The following ACO1 variants were observed in gnomAD, a reference collection of about 807,000 sequenced individuals.
ACO1 encodes aconitase 1.
ACO1 carries 78 observed loss-of-function variants against 105.1 expected under a neutral mutation model. That is an observed-to-expected ratio of 0.74 (90% CI 0.62 to 0.90). The LOEUF is 0.90. Among genes scored for constraint, ACO1 ranks in the 40% least tolerant of loss-of-function variants. The pLI, the probability that ACO1 is intolerant of heterozygous loss-of-function variation, is 0.00. For missense variants in ACO1, 965 were observed against 1,111.1 expected, an observed-to-expected ratio of 0.87 and a Z score of 1.87; for synonymous variants, 364 against 397.4, an observed-to-expected ratio of 0.92 and a Z score of 1.00.
intron 19 of ACO1, among the ~76,000 whole-genome samples, chr9:32,448,272 C>G (rs1822666893): frequency 6.6e-6 from 1 of 150,926 alleles, no homozygotes; most frequent in African/African-American, 2.5e-5. Context: ...AGGCAGTAGG[C>G]CTTGCTGAGC....
At chr9:32,418,616 G>A in intron 6 of ACO1, 105 bp downstream of exon 6, 1 of 1,323,110 alleles carries the variant, frequency 7.6e-7, no homozygotes, top group Non-Finnish European at 1.0e-6. Flanking sequence ...GTTTCCGAGA[G>A]GTATGTTTGT....
At chr9:32,393,279 A>G (rs1222651165) in intron 1 of ACO1, among the ~76,000 whole-genome samples, 1 of 152,160 alleles carries the variant, frequency 6.6e-6, no homozygotes, top group East Asian at 1.9e-4. Flanking sequence ...CCCTGAGGGT[A>G]GGCCTCTAAA....
chr9:32,389,930 T>C (rs1821232053), intron 1 of ACO1, among the ~76,000 whole-genome samples: 2 of 151,878 alleles, frequency 1.3e-5, no homozygotes, highest in African/African-American at 4.8e-5. Context: ...TCAGAATAGC[T>C]GGAATTACAG....
chr9:32,392,225 G>T (rs1456140320), intron 1 of ACO1, among the ~76,000 whole-genome samples: 1 of 152,166 alleles, frequency 6.6e-6, no homozygotes, highest in East Asian at 1.9e-4. Context: ...CCTGTTGGGA[G>T]GAGCATGGTG....
chr9:32,423,175 T>G (rs2118480432), intron 8 of ACO1, 144 bp from the exon 9 acceptor site: 1 of 521,826 alleles, frequency 1.9e-6, no homozygotes, highest in South Asian at 2.8e-5. Context: ...CCTGGAAGCC[T>G]AAAAATTGAC....
At chr9:32,433,368 G>A (rs766960165) in intron 15 of ACO1, among the ~76,000 whole-genome samples, 18 of 152,170 alleles carry the variant, frequency 1.2e-4, no homozygotes, top group Admixed American at 3.9e-4. Context: ...CGAGTAGCTC[G>A]GACTACAGGC....
chr9:32,394,303 C>G (rs1310286857), intron 1 of ACO1, among the ~76,000 whole-genome samples: 1 of 152,170 alleles, frequency 6.6e-6, no homozygotes, highest in Non-Finnish European at 1.5e-5. Context: ...CCTGGTGGTT[C>G]TTTATCAGCC....
At chr9:32,412,901 G>A (rs1231339651) in intron 4 of ACO1, among the ~76,000 whole-genome samples, 2 of 152,086 alleles carry the variant, frequency 1.3e-5, no homozygotes, top group African/African-American at 2.4e-5. Context: ...TGCCTAGAAG[G>A]TGAAAGTACA....
intron 12 of ACO1, among the ~76,000 whole-genome samples, chr9:32,428,335 G>T (rs1341023000): frequency 6.6e-6 from 1 of 151,374 alleles, no homozygotes; most frequent in Non-Finnish European, 1.5e-5. Context: ...GCCTACACCG[G>T]GTCAGGATTG....
intron 1 of ACO1, among the ~76,000 whole-genome samples, chr9:32,388,999 G>C (rs1821210151): frequency 6.6e-6 from 1 of 152,140 alleles, no homozygotes; most frequent in Admixed American, 6.5e-5. Context: ...AAATAAGAGA[G>C]AGACTCTCAA....
intron 12 of ACO1, 87 bp from the exon 13 acceptor site, chr9:32,429,332 A>G (rs1267469426): frequency 1.6e-6 from 2 of 1,228,374 alleles, no homozygotes; most frequent in African/African-American, 1.5e-5. Context: ...CTTTTTGAAC[A>G]GTGGTCTCTG....
At chr9:32,430,275 C>T in intron 13 of ACO1, 143 bp from the exon 14 acceptor site, 1 of 744,232 alleles carries the variant, frequency 1.3e-6, no homozygotes, top group Non-Finnish European at 2.1e-6. Flanking sequence ...GTGTACCCTT[C>T]TCCCCTCTAG....
intron 4 of ACO1, among the ~76,000 whole-genome samples, chr9:32,417,550 C>T (rs1447573199): frequency 6.6e-6 from 1 of 152,128 alleles, no homozygotes; most frequent in Non-Finnish European, 1.5e-5. Context: ...GACTGAATGA[C>T]GTTGAGTAAA....
chr9:32,411,691 A>G (rs1423293353), intron 4 of ACO1, among the ~76,000 whole-genome samples: 4 of 152,190 alleles, frequency 2.6e-5, no homozygotes, highest in Non-Finnish European at 5.9e-5. Context: ...TCATTTTCTT[A>G]TCAATATAGT....
chr9:32,420,361 C>G (rs1821945905), intron 7 of ACO1, among the ~76,000 whole-genome samples: 1 of 152,202 alleles, frequency 6.6e-6, no homozygotes, highest in Admixed American at 6.5e-5. Context: ...TTCCAATGAT[C>G]TCATTAGAGA....
Position 32,450,061 on chromosome 9 carries a change from T to A in ACO1, c.2620T>A (p.Phe874Ile). ...RFDTDVELTY[F>I]LNGGILNYMI... ...TGACACTGATGTGGAGCTCACTTAT[T>A]TCCTCAACGGGGGCATCCTCAACTA... The change falls in exon 21 of 21, where the codon TTC becomes ATC. Residue 874 changes from phenylalanine (F) to isoleucine (I), a missense_variant. Transcript: ENST00000309951. 6.2e-7 allele frequency: 1 copy of A among 1,614,092 alleles called. No homozygotes were observed. Among genetic ancestry groups the A allele is most frequent in the Non-Finnish European group, 8.5e-7 (1 of 1,180,032 alleles).
At chr9:32,420,336 A>G (rs1389985043) in intron 7 of ACO1, among the ~76,000 whole-genome samples, 1 of 152,258 alleles carries the variant, frequency 6.6e-6, no homozygotes, top group Non-Finnish European at 1.5e-5. Context: ...TTTAATATGT[A>G]GCACTTCCAG....
intron 2 of ACO1, 134 bp from the exon 3 acceptor site, chr9:32,407,127 T>C (rs1183846249): frequency 7.6e-6 from 6 of 789,950 alleles, no homozygotes; most frequent in Non-Finnish European, 1.0e-5. Flanking sequence ...TTTTAAACTG[T>C]TGGTCACTTT....
chr9:32,441,154 C>T (rs1186703640), intron 19 of ACO1, among the ~76,000 whole-genome samples: 1 of 152,118 alleles, frequency 6.6e-6, no homozygotes, highest in Non-Finnish European at 1.5e-5. Flanking sequence ...TATGGGCTCT[C>T]GATGAGAGTG....
Sources: gnomAD v4.1 joint callset for allele counts (sites outside exome capture counted in the v4.1 genomes callset) on GRCh38, gnomAD v4.1.1 for gene constraint, MANE v1.5 for transcripts, NCBI Gene and HGNC (gene_info 2026-07-23, HGNC 2026-07-21) for gene names.